Variants in FRS2 observed in about 807,000 individuals in gnomAD.
The protein encoded by FRS2 is FGFR signalling adaptor.
Under a neutral mutation model 43.9 loss-of-function variants are expected in FRS2, and 8 were observed. That is an observed-to-expected ratio of 0.18 (90% CI 0.11 to 0.33). FRS2 has a LOEUF of 0.33. Among genes scored for constraint, FRS2 ranks in the 10% least tolerant of loss-of-function variants. The probability of loss-of-function intolerance (pLI) is 1.00; values close to 1 mark genes in which losing one functional copy is unlikely to be tolerated. For missense variants in FRS2, 534 were observed against 627.6 expected (o/e 0.85, Z 1.59); for synonymous variants, 219 against 220.3 (o/e 0.99, Z 0.05).
In FRS2 at chr12:69,577,301, T is replaced by C. The variant is rs1164364586; in HGVS notation, c.*2346T>C. On this transcript the variant is annotated 3_prime_UTR_variant, in exon 9 of 9. Transcript: ENST00000549921. Reference sequence around the variant, plus strand: ...ATTAGGAAAATATATACAACTGGTGTTAATTTCTAGATATTTTCTAGAAAT... The same window carrying C: ...ATTAGGAAAATATATACAACTGGTGCTAATTTCTAGATATTTTCTAGAAAT... 1 of 152,176 alleles carries C rather than the reference T, an allele frequency of 6.6e-6. No homozygotes were observed. Among genetic ancestry groups the C allele is most frequent in the Non-Finnish European group, 1.5e-5 (1 of 68,000 alleles). 9.4% of individuals were successfully genotyped at this position (152,176 alleles called of 1,614,324 possible).
At chr12:69,561,225 A>G (rs1420364956) in intron 3 of FRS2, among the ~76,000 whole-genome samples, 1 of 152,210 alleles carries the variant, frequency 6.6e-6, no homozygotes, top group Admixed American at 6.5e-5. Flanking sequence ...CACCCACCTT[A>G]AAGTGAGATG....
At chr12:69,486,935 G>A (rs954471249) in intron 1 of FRS2, among the ~76,000 whole-genome samples, 3 of 152,208 alleles carry the variant, frequency 2.0e-5, no homozygotes, top group African/African-American at 7.2e-5. Flanking sequence ...TGAGGTTTAA[G>A]GAAAGAGGCC....
At chr12:69,472,430 C>A (rs221074) in intron 1 of FRS2, among the ~76,000 whole-genome samples, 120,186 of 152,004 alleles carry the variant, frequency 0.79, 48,425 homozygotes, top group African/African-American at 0.94. Context: ...GAAACTGTAG[C>A]TTCTTCCACA....
chr12:69,476,065 G>T (rs1207494096), intron 1 of FRS2, among the ~76,000 whole-genome samples: 2 of 152,048 alleles, frequency 1.3e-5, no homozygotes, highest in South Asian at 4.2e-4. Flanking sequence ...AAAGATTATG[G>T]TTCTGTGAAA....
intron 3 of FRS2, among the ~76,000 whole-genome samples, chr12:69,545,774 AAAAACAAAAAC>A (rs1317568240): frequency 7.9e-5 from 11 of 140,114 alleles, no homozygotes; most frequent in African/African-American, 1.6e-4. Flanking sequence ...AAAAAAAAAA[AAAAACAAAAAC>A]AAAAACCCAG....
At chr12:69,536,813 A>G (rs1008837869) in intron 3 of FRS2, among the ~76,000 whole-genome samples, 2 of 151,426 alleles carry the variant, frequency 1.3e-5, no homozygotes, top group South Asian at 4.2e-4. Flanking sequence ...AAGTGTTCCT[A>G]CTGCCTCAGC....
rs552130821 is a variant in FRS2, at chr12:69,513,215, CTTCT to C, written c.-260-17643_-260-17640del. ...TAACAACAATATACCTTTCCAAATTCTTCTTTCTTTTTTCCTAAATTTTAATCTG... is the reference window on the plus strand; with the variant it reads ...TAACAACAATATACCTTTCCAAATTCTTCTTTTTTCCTAAATTTTAATCTG... On this transcript the variant is annotated intron_variant, in intron 1 of 8. Transcript: ENST00000549921. Among the ~76,000 whole-genome samples the C allele has an allele frequency of 6.8e-3, 1,013 of 150,052 alleles. 6 individuals are homozygous for C. The highest frequency in any genetic ancestry group is 0.024 in the Middle Eastern group (7 of 290).
At chr12:69,550,531 TA>T (rs1878784177) in intron 3 of FRS2, among the ~76,000 whole-genome samples, 1 of 152,252 alleles carries the variant, frequency 6.6e-6, no homozygotes, top group Non-Finnish European at 1.5e-5. Flanking sequence ...TTTAGCATTC[TA>T]AATTTCTCCA....
At chr12:69,521,877 G>T (rs1875692938) in intron 1 of FRS2, among the ~76,000 whole-genome samples, 1 of 152,196 alleles carries the variant, frequency 6.6e-6, no homozygotes, top group African/African-American at 2.4e-5. Context: ...GCCTCCCAAA[G>T]TGCTGGGATT....
In FRS2 at chr12:69,536,101, C is replaced by CCTTTTTT. The variant is rs1877251782; in HGVS notation, c.-122+4045_-122+4046insCTTTTTT. ...TTTTGGTTACTGTAGTATTTTCATT[C>CCTTTTTT]TTTTTTTTTTTTTTTTTTTTTTTTT... is the stretch of plus-strand genomic sequence containing the variant. On this transcript the variant is annotated intron_variant, in intron 3 of 8. Transcript: ENST00000549921. 1.0e-3 allele frequency among the ~76,000 whole-genome samples: 38 copies of CCTTTTTT among 37,216 alleles called. 2 individuals carry two copies. Among genetic ancestry groups the CCTTTTTT allele is most frequent in the African/African-American group, 3.4e-3 (38 of 11,164 alleles). The allele number at this position is 37,216 out of a possible 152,430, so 24.4% of individuals were successfully genotyped here. A position where few individuals can be genotyped will look rare whatever the true frequency, so the allele number is the denominator to read the frequency against.
intron 3 of FRS2, among the ~76,000 whole-genome samples, chr12:69,548,386 A>G (rs1878599002): frequency 6.6e-6 from 1 of 152,226 alleles, no homozygotes; most frequent in Admixed American, 6.5e-5. Context: ...GATGTGAGAG[A>G]GTAAGGTGTG....
intron 3 of FRS2, among the ~76,000 whole-genome samples, chr12:69,551,418 G>A (rs898422081): frequency 3.3e-5 from 5 of 152,136 alleles, no homozygotes; most frequent in Non-Finnish European, 7.4e-5. Context: ...TTTTCAGAGG[G>A]ATGAGCTCAA....
intron 4 of FRS2, among the ~76,000 whole-genome samples, chr12:69,567,725 AGAAAG>A (rs1880418989): frequency 6.6e-6 from 1 of 152,186 alleles, no homozygotes; most frequent in African/African-American, 2.4e-5. Context: ...TTGAATCTTG[AGAAAG>A]GAAAGAAGCA....
intron 3 of FRS2, among the ~76,000 whole-genome samples, chr12:69,557,619 T>TGTGTGCGCGCGCGCGCGC (rs1555192498): frequency 8.4e-6 from 1 of 118,966 alleles, no homozygotes; most frequent in African/African-American, 2.8e-5. Context: ...TGTGTGTGTG[T>TGTGTGCGCGCGCGCGCGC]GCGCGCGCGC....
intron 3 of FRS2, among the ~76,000 whole-genome samples, chr12:69,557,594 TTG>T (rs376896422): frequency 0.34 from 46,903 of 136,632 alleles, 8,777 homozygotes; most frequent in Non-Finnish European, 0.43. Context: ...TGAAGGTTGA[TTG>T]TGTGTGTGTG....
At chr12:69,476,079 G>A (rs1870739558) in intron 1 of FRS2, among the ~76,000 whole-genome samples, 1 of 152,030 alleles carries the variant, frequency 6.6e-6, no homozygotes, top group Non-Finnish European at 1.5e-5. Context: ...TGTGAAATCC[G>A]AAAATCTTGG....
At chr12:69,562,400 G>A (rs1879947799) in intron 4 of FRS2, 126 bp downstream of exon 4, 1 of 387,092 alleles carries the variant, frequency 2.6e-6, no homozygotes, top group South Asian at 1.4e-4. Context: ...TTGAGCTCAA[G>A]CGATTCTCCA....
chr12:69,574,439 C>T lies in FRS2; in HGVS notation c.1011C>T (p.Asn337=). ...GTACCTCAGATACCCAGAATATCAA[C>T]AACTCAGCTCAGAGAAGAACTGCAT... The part of the protein sequence containing the change: ...STSTSDTQNI[N]NSAQRRTALL... Residue 337 remains asparagine (N), a synonymous_variant, in exon 9 of 9, where the codon AAC becomes AAT. Coordinates refer to ENST00000549921, the MANE Select transcript of FRS2 (RefSeq NM_001278356.2). 6.2e-7 allele frequency: 1 copy of T among 1,614,020 alleles called. No homozygotes were observed. The highest frequency in any genetic ancestry group is 8.5e-7 in the Non-Finnish European group (1 of 1,179,902).
At chr12:69,550,216 C>T (rs1234375800) in intron 3 of FRS2, among the ~76,000 whole-genome samples, 1 of 152,228 alleles carries the variant, frequency 6.6e-6, no homozygotes, top group Non-Finnish European at 1.5e-5. Flanking sequence ...TCCTTGACTC[C>T]TGCTTTCCTT....
Sources: gnomAD v4.1 joint callset for allele counts (sites outside exome capture counted in the v4.1 genomes callset) on GRCh38, gnomAD v4.1.1 for gene constraint, MANE v1.5 for transcripts, NCBI Gene and HGNC (gene_info 2026-07-23, HGNC 2026-07-21) for gene names.